The following INTS6 variants were observed in gnomAD, a reference collection of about 807,000 sequenced individuals.
The protein encoded by INTS6 is DEAD box protein.
Under a neutral mutation model 104.9 loss-of-function variants are expected in INTS6, and 16 were observed. The ratio of observed to expected loss-of-function variants is 0.15; its 90% CI spans 0.10 to 0.23. The LOEUF (loss-of-function observed/expected upper bound fraction) is 0.23, where lower values mean the gene tolerates loss of function less well. INTS6 is among the 10% of genes least tolerant of loss of function. INTS6 has a pLI of 1.00. For missense variants in INTS6, 584 were observed against 1,062.8 expected (o/e 0.55, Z 6.26); for synonymous variants, 324 against 358.7 (o/e 0.90, Z 1.09).
At chr13:51,434,429 A>G (rs1006138446) in intron 3 of INTS6, among the ~76,000 whole-genome samples, 1 of 152,160 alleles carries the variant, frequency 6.6e-6, no homozygotes. Flanking sequence ...TCAAACATAG[A>G]AAAGAAAAAA....
Position 51,387,456 on chromosome 13 carries a change from T to C in INTS6, c.824A>G (p.Lys275Arg). ...CCAATGACCTATAGGAACCCCAGTT[T>C]TAGGATTTGGTCTGACATATATGAG... is the stretch of plus-strand genomic sequence containing the variant. Reference protein sequence around the residue: ...HKLIYVRPNPKTGVPIGHWPV... With the variant: ...HKLIYVRPNPRTGVPIGHWPV... Residue 275 changes from lysine (K) to arginine (R), a missense_variant, in exon 7 of 18, where the codon AAA (lysine) becomes AGA (arginine). By Grantham distance (26) the Lys-to-Arg change is conservative (BLOSUM62 2). Coordinates refer to ENST00000311234, the MANE Select transcript of INTS6 (RefSeq NM_012141.3). 1 of 1,613,790 alleles carries C rather than the reference T, an allele frequency of 6.2e-7. No individual in the cohort carries two copies.
the INTS6 span, among the ~76,000 whole-genome samples, chr13:51,343,207 G>A: frequency 6.6e-6 from 1 of 152,210 alleles, no homozygotes; most frequent in Admixed American, 6.5e-5. Flanking sequence ...AGGTAGTGGA[G>A]GAAAAGATAC....
chr13:51,411,292 G>A (rs1056375661), intron 4 of INTS6, among the ~76,000 whole-genome samples: 4 of 151,276 alleles, frequency 2.6e-5, no homozygotes, highest in East Asian at 2.0e-4. Flanking sequence ...AGTGGCTCAC[G>A]CCTGTAATCA....
chr13:51,438,177 A>G (rs1345238257), intron 3 of INTS6: 1 of 152,186 alleles, frequency 6.6e-6, no homozygotes, highest in African/African-American at 2.4e-5. Flanking sequence ...TACACAGTAC[A>G]TGTACAGGAG....
chr13:51,351,137 A>G (rs946292404), downstream of INTS6, among the ~76,000 whole-genome samples: 2 of 152,172 alleles, frequency 1.3e-5, no homozygotes, highest in African/African-American at 4.8e-5. Context: ...TTGTGTATAT[A>G]TATTTTCAAT....
chr13:51,348,244 G>C, the INTS6 span: 1 of 1,601,610 alleles, frequency 6.2e-7, no homozygotes, highest in Non-Finnish European at 8.5e-7. Flanking sequence ...GCCATCAGGT[G>C]GGGGTGCTGG....
intron 15 of INTS6, among the ~76,000 whole-genome samples, chr13:51,370,636 T>A (rs536220046): frequency 6.6e-6 from 1 of 152,208 alleles, no homozygotes; most frequent in Admixed American, 6.5e-5. Flanking sequence ...TACAGTCCAA[T>A]GGTGGTGGGC....
At position 51,368,819 on chromosome 13, in the gene INTS6, T is replaced by G. The variant is rs1593663122; in HGVS notation, c.2476+120A>C. 7 of 1,045,478 alleles carry G rather than the reference T, an allele frequency of 6.7e-6. No individual in the cohort carries two copies. In the East Asian group the frequency reaches 1.7e-4, roughly 25 times the overall value. The allele number at this position is 1,045,478 out of a possible 1,614,324, so 64.8% of individuals were successfully genotyped here. A position where few individuals can be genotyped will look rare whatever the true frequency, so the allele number is the denominator to read the frequency against. On this transcript the variant is annotated intron_variant, in intron 16 of 17. Transcript: ENST00000311234. ...TAAAGGATCTTAACTGAGATGTTGT[T>G]CAAGACAGATCTAGAATCATATGTA...
In INTS6 at chr13:51,392,539, T is replaced by TA. The variant is rs1172850067; in HGVS notation, c.613+2760dup. On this transcript the variant is annotated intron_variant, in intron 5 of 17. Coordinates refer to ENST00000311234, the MANE Select transcript of INTS6 (RefSeq NM_012141.3). Reference sequence around the variant, plus strand: ...CTAGCCTTCCTGTTGCTTCCAAATATATAGAGAGCATGTCCCTTTCCTTGC... The same window carrying TA: ...CTAGCCTTCCTGTTGCTTCCAAATATAATAGAGAGCATGTCCCTTTCCTTGC... Among the ~76,000 whole-genome samples the TA allele has an allele frequency of 2.0e-5, 3 of 152,362 alleles. No individual in the cohort carries two copies. In the East Asian group the frequency reaches 5.8e-4, roughly 29 times the overall value.
chr13:51,440,370 A>G (rs1748849837), intron 3 of INTS6: 1 of 152,150 alleles, frequency 6.6e-6, no homozygotes, highest in African/African-American at 2.4e-5. Flanking sequence ...AAAAAGAGTT[A>G]AAAAGTTTTA....
downstream of INTS6, among the ~76,000 whole-genome samples, chr13:51,360,062 C>T (rs1955539985): frequency 6.6e-6 from 1 of 152,088 alleles, no homozygotes; most frequent in Non-Finnish European, 1.5e-5. Flanking sequence ...ATCCTGTGCA[C>T]ATCTTACAAG....
chr13:51,342,581 G>C, the INTS6 span, among the ~76,000 whole-genome samples: 1 of 152,178 alleles, frequency 6.6e-6, no homozygotes, highest in Non-Finnish European at 1.5e-5. Flanking sequence ...GGCTAGGGCA[G>C]AGAAAAGATT....
chr13:51,427,419 G>T (rs902428003), intron 4 of INTS6, among the ~76,000 whole-genome samples: 3 of 151,804 alleles, frequency 2.0e-5, no homozygotes, highest in African/African-American at 7.3e-5. Flanking sequence ...AAACACAGAA[G>T]AACAATACAA....
At chr13:51,390,708 A>G (rs1956231170) in intron 5 of INTS6, among the ~76,000 whole-genome samples, 1 of 152,102 alleles carries the variant, frequency 6.6e-6, no homozygotes, top group Admixed American at 6.5e-5. Flanking sequence ...AACATTATAG[A>G]CAATGGTGAT....
At chr13:51,414,060 T>C (rs1428122140) in intron 4 of INTS6, among the ~76,000 whole-genome samples, 2 of 152,196 alleles carry the variant, frequency 1.3e-5, no homozygotes, top group East Asian at 1.9e-4. Context: ...TGGAGTCTCA[T>C]TGCAACGTCA....
chr13:51,364,430 G>A lies in INTS6; in HGVS notation c.*1322C>T, dbSNP rs77809332. 0.037 allele frequency: 18,010 copies of A among 482,332 alleles called. 492 individuals carry two copies. The highest frequency in any genetic ancestry group is 0.087 in the East Asian group (2,622 of 30,172). 29.9% of individuals were successfully genotyped at this position (482,332 alleles called of 1,614,324 possible). ...ATATTATAAACCTAAAAATACTTCA[G>A]TTTTTAAATGTTATAAGTTTATTTT... is the stretch of plus-strand genomic sequence containing the variant. On this transcript the variant is annotated 3_prime_UTR_variant, in exon 18 of 18. Transcript: ENST00000311234.
Position 51,432,550 on chromosome 13 carries a change from A to G in INTS6, c.340-2167T>C, listed in dbSNP as rs1464170420. 2.0e-5 allele frequency among the ~76,000 whole-genome samples: 3 copies of G among 152,204 alleles called. No homozygotes were observed. The East Asian group carries it at 5.8e-4, about 29-fold the overall frequency. On this transcript the variant is annotated intron_variant, in intron 3 of 17. Coordinates refer to ENST00000311234, the MANE Select transcript of INTS6 (RefSeq NM_012141.3). ...AATATGTCATATTTCTTTCCACACC[A>G]CTAAGCAGGTACTGGGCACAAAACA...
At chr13:51,373,150 T>C (rs1955846104) in intron 15 of INTS6, among the ~76,000 whole-genome samples, 1 of 151,972 alleles carries the variant, frequency 6.6e-6, no homozygotes, top group South Asian at 2.1e-4. Context: ...CTCTGTCCCC[T>C]GTATTTCCTA....
downstream of INTS6, among the ~76,000 whole-genome samples, chr13:51,349,514 G>C (rs1955384911): frequency 6.6e-6 from 1 of 152,216 alleles, no homozygotes; most frequent in African/African-American, 2.4e-5. Context: ...CTCAGCAAGG[G>C]AAGGAAGAGC....
Sources: allele counts gnomAD v4.1 joint callset (sites outside exome capture counted in the v4.1 genomes callset), GRCh38; gene constraint gnomAD v4.1.1; transcripts MANE v1.5; gene names NCBI Gene and HGNC (gene_info 2026-07-23, HGNC 2026-07-21).